Variants in ERC2 observed in about 807,000 individuals in gnomAD.
The protein encoded by ERC2 is ELKS/RAB6-interacting/CAST family member 2.
ERC2 carries 42 observed loss-of-function variants against 114.8 expected under a neutral mutation model. The ratio of observed to expected loss-of-function variants is 0.37; its 90% CI spans 0.29 to 0.47. The LOEUF is 0.47. ERC2 is among the 20% of genes least tolerant of loss of function. The pLI is 0.99. For synonymous variants in ERC2, 454 were observed against 425.5 expected (o/e 1.07, Z -0.82); for missense variants, 939 against 1,150.7 (o/e 0.82, Z 2.66).
intron 3 of ERC2, among the ~76,000 whole-genome samples, chr3:56,285,760 T>C (rs1188913600): frequency 2.6e-5 from 4 of 152,228 alleles, no homozygotes; most frequent in Non-Finnish European, 5.9e-5. Flanking sequence ...CCTGCAGATA[T>C]ACACAGTTTC....
intron 17 of ERC2, among the ~76,000 whole-genome samples, chr3:55,610,119 A>G (rs565737501): frequency 6.6e-6 from 1 of 150,758 alleles, no homozygotes; most frequent in South Asian, 2.1e-4. Flanking sequence ...TTTAACCTTG[A>G]CACTTGAAGT....
intron 4 of ERC2, among the ~76,000 whole-genome samples, chr3:56,159,499 T>C (rs963135055): frequency 7.2e-5 from 11 of 152,192 alleles, no homozygotes; most frequent in African/African-American, 2.7e-4. Flanking sequence ...TAGTTGGTTA[T>C]TTTGCGCTTT....
chr3:56,419,772 A>T (rs549777615), intron 2 of ERC2, among the ~76,000 whole-genome samples: 7 of 152,346 alleles, frequency 4.6e-5, no homozygotes, highest in Middle Eastern at 3.4e-3. Context: ...AGTTTGCAGT[A>T]GGGATGAGGA....
At chr3:56,115,305 T>C (rs2079166930) in intron 6 of ERC2, among the ~76,000 whole-genome samples, 1 of 152,148 alleles carries the variant, frequency 6.6e-6, no homozygotes, top group African/African-American at 2.4e-5. Context: ...TTGATAGCAG[T>C]TCCATTACAT....
intron 14 of ERC2, among the ~76,000 whole-genome samples, chr3:55,883,573 T>C (rs964338535): frequency 7.1e-6 from 1 of 140,088 alleles, no homozygotes; most frequent in African/African-American, 2.8e-5. Flanking sequence ...CACACACAAG[T>C]GCATGTAAAA....
At chr3:56,145,737 A>G (rs1156605122) in intron 5 of ERC2, among the ~76,000 whole-genome samples, 1 of 152,158 alleles carries the variant, frequency 6.6e-6, no homozygotes, top group Admixed American at 6.6e-5. Context: ...CTTTCCAAAA[A>G]TGTTATATCA....
chr3:55,986,163 A>G (rs951816962), intron 11 of ERC2, among the ~76,000 whole-genome samples, 175 bp from the exon 12 acceptor site: 2 of 152,236 alleles, frequency 1.3e-5, no homozygotes, highest in Non-Finnish European at 1.5e-5. Flanking sequence ...TACCCCCAAA[A>G]GCCCTGGGCA....
At chr3:56,178,875 A>G (rs1023243958) in intron 3 of ERC2, among the ~76,000 whole-genome samples, 8 of 152,134 alleles carry the variant, frequency 5.3e-5, no homozygotes, top group Non-Finnish European at 1.2e-4. Flanking sequence ...AATACTAGGG[A>G]GGCATGGATC....
intron 5 of ERC2, among the ~76,000 whole-genome samples, chr3:56,148,243 A>G (rs184615466): frequency 6.6e-6 from 1 of 152,360 alleles, no homozygotes; most frequent in African/African-American, 2.4e-5. Context: ...TTGGGACTCA[A>G]AACTATTTAT....
chr3:56,173,121 G>A (rs2082769954), intron 4 of ERC2, among the ~76,000 whole-genome samples: 1 of 152,074 alleles, frequency 6.6e-6, no homozygotes, highest in African/African-American at 2.4e-5. Context: ...GTGAATAGGA[G>A]GAAAAGAATT....
intron 17 of ERC2, among the ~76,000 whole-genome samples, chr3:55,629,572 T>G (rs1173857055): frequency 6.6e-6 from 1 of 152,206 alleles, no homozygotes; most frequent in Non-Finnish European, 1.5e-5. Flanking sequence ...CATTGCATAA[T>G]TACCTGTATA....
chr3:55,546,538 G>A (rs2054765003), intron 17 of ERC2, among the ~76,000 whole-genome samples: 1 of 152,190 alleles, frequency 6.6e-6, no homozygotes, highest in African/African-American at 2.4e-5. Flanking sequence ...ATTTTGGTCT[G>A]TTTTGTTCAC....
chr3:55,632,658 A>G (rs1164979413), intron 17 of ERC2, among the ~76,000 whole-genome samples: 1 of 152,182 alleles, frequency 6.6e-6, no homozygotes, highest in East Asian at 1.9e-4. Context: ...GAACTTTGGG[A>G]TGACTCAAAA....
chr3:56,258,391 C>T (rs2052665682), intron 3 of ERC2, among the ~76,000 whole-genome samples: 1 of 152,168 alleles, frequency 6.6e-6, no homozygotes, highest in African/African-American at 2.4e-5. Context: ...GGCGCGGTGG[C>T]TCACGCCTGT....
At chr3:56,321,137 T>C (rs1260163692) in intron 2 of ERC2, among the ~76,000 whole-genome samples, 1 of 152,090 alleles carries the variant, frequency 6.6e-6, no homozygotes, top group Non-Finnish European at 1.5e-5. Flanking sequence ...AGTATAAAAA[T>C]AAAAACATGT....
At chr3:55,953,940 T>C (rs963669847) in intron 12 of ERC2, among the ~76,000 whole-genome samples, 1 of 152,014 alleles carries the variant, frequency 6.6e-6, no homozygotes, top group African/African-American at 2.4e-5. Flanking sequence ...TTCAAATGTC[T>C]CCACAATCTA....
chr3:56,319,939 A>G (rs1251713352), intron 2 of ERC2, among the ~76,000 whole-genome samples: 1 of 152,248 alleles, frequency 6.6e-6, no homozygotes, highest in Non-Finnish European at 1.5e-5. Flanking sequence ...CTCACTAAAG[A>G]TACAGGGAGC....
intron 3 of ERC2, among the ~76,000 whole-genome samples, chr3:56,249,470 C>T (rs1364230710): frequency 2.0e-5 from 3 of 151,926 alleles, no homozygotes; most frequent in Non-Finnish European, 4.4e-5. Flanking sequence ...TGACTACAGG[C>T]GCCCGCCACC....
intron 15 of ERC2, among the ~76,000 whole-genome samples, chr3:55,721,317 T>A (rs1260146358): frequency 6.6e-6 from 1 of 152,272 alleles, no homozygotes; most frequent in Non-Finnish European, 1.5e-5. Flanking sequence ...GTGCCTAGTA[T>A]ACCATTTCTT....
Sources: allele counts gnomAD v4.1 joint callset (sites outside exome capture counted in the v4.1 genomes callset), GRCh38; gene constraint gnomAD v4.1.1; transcripts MANE v1.5; gene names NCBI Gene and HGNC (gene_info 2026-07-23, HGNC 2026-07-21).